The following HECW1 variants were observed in gnomAD, a reference collection of about 807,000 sequenced individuals.
HECW1 encodes the protein E3 ubiquitin-protein ligase HECW1.
Under a neutral mutation model 182.3 loss-of-function variants are expected in HECW1, and 61 were observed. The observed-to-expected ratio is 0.33, with a 90% CI of 0.27 to 0.41. HECW1 has a LOEUF of 0.41. Ranked by LOEUF, HECW1 falls within the 10% of genes least tolerant of loss-of-function variation. The pLI, the probability that HECW1 is intolerant of heterozygous loss-of-function variation, is 1.00. For missense variants in HECW1, 1,739 were observed against 2,108.9 expected (o/e 0.82, Z 3.44); for synonymous variants, 859 against 832.6 (o/e 1.03, Z -0.55).
At chr7:43,276,697 A>G (rs1465732145) in intron 3 of HECW1, among the ~76,000 whole-genome samples, 1 of 152,176 alleles carries the variant, frequency 6.6e-6, no homozygotes, top group Non-Finnish European at 1.5e-5. Flanking sequence ...GGCACACTCC[A>G]GGTTTGAAAC....
rs5883871 is a variant in HECW1 at position 43,550,104 on chromosome 7, C to CAA, written c.4249-333_4249-332dup. Among the ~76,000 whole-genome samples the CAA allele has an allele frequency of 9.7e-3, 1,446 of 148,710 alleles. 69 individuals carry two copies. The highest frequency in any genetic ancestry group is 0.07 in the Admixed American group (1,046 of 15,000). On this transcript the variant is annotated intron_variant, in intron 26 of 29. Coordinates refer to ENST00000395891, the MANE Select transcript of HECW1 (RefSeq NM_015052.5). Reference sequence around the variant, plus strand: ...CTGGGCAACATAGACCACATTCTACCAAAAAAAAAGAAGAAGAAGAAGAAA... The same window carrying CAA: ...CTGGGCAACATAGACCACATTCTACCAAAAAAAAAAAGAAGAAGAAGAAGAAA...
intron 3 of HECW1, among the ~76,000 whole-genome samples, chr7:43,305,629 GA>G (rs1807452868): frequency 6.6e-6 from 1 of 151,638 alleles, no homozygotes; most frequent in Non-Finnish European, 1.5e-5. Flanking sequence ...GTTTGGGGGG[GA>G]CAGAGTCTCA....
At chr7:43,488,410 AAGAGAGAG>A (rs3037087) in intron 17 of HECW1, among the ~76,000 whole-genome samples, 10 of 125,396 alleles carry the variant, frequency 8.0e-5, no homozygotes, top group African/African-American at 3.1e-4. Context: ...AAATGAAAGA[AAGAGAGAG>A]AGAGAAAGAA....
chr7:43,297,054 C>T (rs1331563680), intron 3 of HECW1, among the ~76,000 whole-genome samples: 1 of 152,176 alleles, frequency 6.6e-6, no homozygotes, highest in Non-Finnish European at 1.5e-5. Context: ...CCCATCCAGC[C>T]TATTGAATTA....
At chr7:43,527,518 C>G (rs531389994) in intron 24 of HECW1, among the ~76,000 whole-genome samples, 1 of 152,130 alleles carries the variant, frequency 6.6e-6, no homozygotes, top group East Asian at 1.9e-4. Flanking sequence ...CTTATAAGAA[C>G]GCTTGTCGAT....
At chr7:43,441,359 G>T (rs575399907) in intron 9 of HECW1, among the ~76,000 whole-genome samples, 7 of 152,274 alleles carry the variant, frequency 4.6e-5, no homozygotes, top group Non-Finnish European at 8.8e-5. Flanking sequence ...GTCTTGCTCT[G>T]CTCCATCCTG....
chr7:43,490,421 C>T (rs1288072807), intron 17 of HECW1, among the ~76,000 whole-genome samples: 1 of 152,206 alleles, frequency 6.6e-6, no homozygotes, highest in East Asian at 1.9e-4. Context: ...TTTACTTTGT[C>T]TAAAGTCTTT....
chr7:43,414,807 C>T, intron 8 of HECW1, among the ~76,000 whole-genome samples: 1 of 151,564 alleles, frequency 6.6e-6, no homozygotes, highest in Non-Finnish European at 1.5e-5. Flanking sequence ...GGATGAAGCC[C>T]ACTTGATCAT....
chr7:43,465,650 G>C (rs1301624377), intron 14 of HECW1, among the ~76,000 whole-genome samples: 1 of 152,218 alleles, frequency 6.6e-6, no homozygotes, highest in Non-Finnish European at 1.5e-5. Context: ...ATACAACTGG[G>C]TGTGGATACA....
At chr7:43,307,210 C>T (rs766499591) in intron 3 of HECW1, among the ~76,000 whole-genome samples, 3 of 152,160 alleles carry the variant, frequency 2.0e-5, no homozygotes, top group Non-Finnish European at 2.9e-5. Flanking sequence ...CTATGCTTGA[C>T]ATAGCCCGTA....
chr7:43,429,105 C>T (rs1000733274), intron 8 of HECW1, among the ~76,000 whole-genome samples: 1 of 150,022 alleles, frequency 6.7e-6, no homozygotes, highest in African/African-American at 2.4e-5. Flanking sequence ...TACCAAACCA[C>T]AACTAAATAT....
In HECW1 at chr7:43,311,867, C is replaced by A; in HGVS notation, c.132C>A (p.Asn44Lys). 4 of 1,614,244 alleles carry A rather than the reference C, an allele frequency of 2.5e-6. No homozygotes were observed. Among genetic ancestry groups the A allele is most frequent in the African/African-American group, 1.3e-5 (1 of 75,068 alleles). Residue 44 changes from asparagine to lysine, a missense_variant, in exon 4 of 30, where the codon AAC becomes AAA. Physicochemically the swap from Asn to Lys is moderately conservative, Grantham distance 94. Transcript: ENST00000395891. ...AGGAGCCGCTCCGATACAGCTACAA[C>A]CCCGACCAGTTCCACAACATGGACC... is the stretch of plus-strand genomic sequence containing the variant. ...RCKEPLRYSY[N>K]PDQFHNMDLR...
intron 3 of HECW1, among the ~76,000 whole-genome samples, chr7:43,298,438 T>C (rs1806307334): frequency 6.6e-6 from 1 of 152,224 alleles, no homozygotes; most frequent in Non-Finnish European, 1.5e-5. Flanking sequence ...CCCTGACATG[T>C]GCTTCTAACT....
At chr7:43,143,315 G>A (rs1028862518) in intron 2 of HECW1, among the ~76,000 whole-genome samples, 17 of 151,892 alleles carry the variant, frequency 1.1e-4, no homozygotes, top group Non-Finnish European at 1.6e-4. Context: ...ACAAGGTCTC[G>A]CTCTGTCAAT....
intron 5 of HECW1, among the ~76,000 whole-genome samples, chr7:43,331,301 C>A (rs1356195215): frequency 6.6e-6 from 1 of 152,106 alleles, no homozygotes; most frequent in South Asian, 2.1e-4. Context: ...CATGTAAGAT[C>A]GGGGTGGGGC....
At chr7:43,316,510 G>A (rs571963241) in intron 4 of HECW1, among the ~76,000 whole-genome samples, 9 of 152,168 alleles carry the variant, frequency 5.9e-5, no homozygotes, top group African/African-American at 1.9e-4. Context: ...AAGATTTTGA[G>A]GTAGGTACTT....
chr7:43,359,294 C>T (rs1333456554), intron 5 of HECW1, among the ~76,000 whole-genome samples: 1 of 152,062 alleles, frequency 6.6e-6, no homozygotes, highest in Non-Finnish European at 1.5e-5. Flanking sequence ...AAATGTAGTA[C>T]TTTAGCTGGA....
At chr7:43,174,207 A>G (rs137906196) in intron 2 of HECW1, among the ~76,000 whole-genome samples, 2 of 152,244 alleles carry the variant, frequency 1.3e-5, no homozygotes, top group African/African-American at 2.4e-5. Flanking sequence ...TCCCTGCTAC[A>G]TAAGAAATGG....
Position 43,445,331 on chromosome 7 carries a change from C to G in HECW1, c.2159C>G (p.Ser720Cys). The change falls in exon 11 of 30, where the codon TCC (serine) becomes TGC (cysteine). Residue 720 changes from serine (S) to cysteine (C), a missense_variant. By Grantham distance (112) the Ser-to-Cys change is moderately radical. Around this residue, in one of 5 missense-constraint regions of HECW1, gnomAD observed 971 missense variants for 1,029.1 expected, o/e 0.94. Transcript: ENST00000395891. ...GNRFASHTRF[S>C]SVDSAKISES... ...AGGTTCGCCAGCCACACGCGCTTCT[C>G]CTCCGTGGACAGCGCCAAGATCTCC... is the stretch of plus-strand genomic sequence containing the variant. 3 of 1,613,812 alleles carry G rather than the reference C, an allele frequency of 1.9e-6. No individual in the cohort carries two copies. Among genetic ancestry groups the G allele is most frequent in the African/African-American group, 1.3e-5 (1 of 75,068 alleles).
Sources: allele counts gnomAD v4.1 joint callset (sites outside exome capture counted in the v4.1 genomes callset), GRCh38; gene constraint gnomAD v4.1.1; regional missense constraint gnomAD v4.1.1; transcripts MANE v1.5; gene names NCBI Gene and HGNC (gene_info 2026-07-23, HGNC 2026-07-21).